SLITRK4: variants seen among roughly 807,000 people sequenced by gnomAD.
The protein encoded by SLITRK4 is SLIT and NTRK-like protein 4.
Under a neutral mutation model 34.7 loss-of-function variants are expected in SLITRK4, and 7 were observed. The observed-to-expected ratio is 0.20, with a 90% confidence interval of 0.11 to 0.38. The LOEUF is 0.38. Among genes scored for constraint, SLITRK4 ranks in the 10% least tolerant of loss-of-function variants. The probability of loss-of-function intolerance (pLI) is 1.00; values close to 1 mark genes in which losing one functional copy is unlikely to be tolerated. For synonymous variants in SLITRK4, 237 were observed against 246.2 expected (o/e 0.96, Z 0.35); for missense variants, 474 against 607.0 (o/e 0.78, Z 2.30).
chrX:143,624,777 G>A lies in SLITRK4; in HGVS notation c.*3818C>T, dbSNP rs782730503. ...GGCAATTAATAAATTCTAATACCTTGATGTTATTAAAAGCAAACAAAAGTC... is the reference window on the plus strand; with the variant it reads ...GGCAATTAATAAATTCTAATACCTTAATGTTATTAAAAGCAAACAAAAGTC... On this transcript the variant is annotated 3_prime_UTR_variant, in exon 2 of 2. Coordinates refer to ENST00000356928, the MANE Select transcript of SLITRK4 (RefSeq NM_001184749.3). The A allele has an allele frequency of 9.0e-6, 1 of 111,122 alleles. No homozygotes were observed. Among genetic ancestry groups the A allele is most frequent in the South Asian group, 3.7e-4 (1 of 2,692 alleles). The allele number at this position is 111,122 out of a possible 1,213,427, so 9.2% of individuals were successfully genotyped here.
In SLITRK4 at chrX:143,625,185, TA is replaced by T. The variant is rs782606263; in HGVS notation, c.*3409del. The T allele has an allele frequency of 9.0e-6, 1 of 111,257 alleles. No homozygotes were observed. 9.2% of individuals were successfully genotyped at this position (111,257 alleles called of 1,213,427 possible). On this transcript the variant is annotated 3_prime_UTR_variant, in exon 2 of 2. Coordinates refer to ENST00000356928, the MANE Select transcript of SLITRK4 (RefSeq NM_001184749.3). Reference sequence around the variant, plus strand: ...TGCATCCTTATGGCTTAAAGAAAAGTAAATGTTTAAAAAAAGCAACAAAAGA... The same window carrying T: ...TGCATCCTTATGGCTTAAAGAAAAGTAATGTTTAAAAAAAGCAACAAAAGA...
At chrX:143,633,959 G>C (rs1931141150) in intron 1 of SLITRK4, among the ~76,000 whole-genome samples, 1 of 112,764 alleles carries the variant, frequency 8.9e-6, no homozygotes, top group Non-Finnish European at 1.9e-5. Context: ...GGGATGTCGC[G>C]GGGGCCTTCA....
At chrX:143,631,858 A>G (rs974059326) in intron 1 of SLITRK4, among the ~76,000 whole-genome samples, 12 of 111,782 alleles carry the variant, frequency 1.1e-4, no homozygotes, top group Admixed American at 9.5e-4. Context: ...AGGGATGGCC[A>G]AATTTTATTT....
intron 1 of SLITRK4, among the ~76,000 whole-genome samples, chrX:143,633,853 G>T (rs945651250): frequency 8.9e-6 from 1 of 112,708 alleles, no homozygotes; most frequent in African/African-American, 3.2e-5. Context: ...ATGTTTTGCC[G>T]CATCCCTGTT....
Position 143,624,896 on chromosome X carries a change from CAG to C in SLITRK4, c.*3697_*3698del, listed in dbSNP as rs1930735374. ...TAACCTAAAATACTGATAATCAAAT[CAG>C]GGTAAAAACAATACAATATTTTTTT... On this transcript the variant is annotated 3_prime_UTR_variant, in exon 2 of 2. Transcript: ENST00000356928. The C allele has an allele frequency of 9.0e-6, 1 of 111,097 alleles. No homozygotes were observed. Among genetic ancestry groups the C allele is most frequent in the African/African-American group, 3.3e-5 (1 of 30,711 alleles). The allele number at this position is 111,097 out of a possible 1,213,427, so 9.2% of individuals were successfully genotyped here.
rs782477055 is a variant in SLITRK4, at chrX:143,630,789, C to A, written c.320G>T (p.Ser107Ile). 18 of 1,212,029 alleles carry A rather than the reference C, an allele frequency of 1.5e-5. No individual in the cohort carries two copies. Among genetic ancestry groups the A allele is most frequent in the Non-Finnish European group, 2.0e-5 (18 of 895,571 alleles). ...GTTCAAGTGCAACTGCTTTAATGCA[C>A]TGAGCCCAAGAAAGGCTCCTCCCTC... is the stretch of plus-strand genomic sequence containing the variant. ...NIEGGAFLGL[S>I]ALKQLHLNNN... Residue 107 changes from serine to isoleucine, a missense_variant, in exon 2 of 2, where the codon AGT becomes ATT. Coordinates refer to ENST00000356928, the MANE Select transcript of SLITRK4 (RefSeq NM_001184749.3).
rs202159792 is a variant in SLITRK4 at position 143,629,649 on chromosome X, C to A, written c.1460G>T (p.Ser487Ile). ...LLYLNNNLLK[S>I]LPVYIFSGAP... is the part of the protein sequence containing the mutation. ...TCCGGAAAAGATGTAAACAGGCAGG[C>A]TCTTTAGGAGATTATTGTTTAAGTA... The change falls in exon 2 of 2, where the codon AGC becomes ATC. Residue 487 changes from serine (S) to isoleucine (I), a missense_variant. Physicochemically the swap from Ser to Ile is moderately radical, Grantham distance 142 (BLOSUM62 -2). Around this residue, in one of 3 missense-constraint regions of SLITRK4, gnomAD observed 345 missense variants for 406.5 expected, o/e 0.85. Transcript: ENST00000356928. 8 of 1,209,658 alleles carry A rather than the reference C, an allele frequency of 6.6e-6. No homozygotes were observed. The highest frequency in any genetic ancestry group is 8.9e-6 in the Non-Finnish European group (8 of 895,270).
In SLITRK4 at chrX:143,629,076, T is replaced by C. The variant is rs1465133436; in HGVS notation, c.2033A>G (p.Lys678Arg). 18 of 1,210,465 alleles carry C rather than the reference T, an allele frequency of 1.5e-5. No homozygotes were observed. Among genetic ancestry groups the C allele is most frequent in the Non-Finnish European group, 1.9e-5 (17 of 895,452 alleles). Residue 678 changes from lysine (K) to arginine (R), a missense_variant, in exon 2 of 2, where the codon AAA becomes AGA. Around this residue, in one of 3 missense-constraint regions of SLITRK4, gnomAD observed 345 missense variants for 406.5 expected, o/e 0.85. Coordinates refer to ENST00000356928, the MANE Select transcript of SLITRK4 (RefSeq NM_001184749.3). ...LRKHDHKTNK[K>R]DGLSTEAFIP... The stretch of plus-strand genomic sequence containing the variant: ...GAAAGCTTCTGTGCTCAGTCCATCT[T>C]TTTTATTGGTTTTGTGGTCATGCTT...
chrX:143,628,511 A>C lies in SLITRK4; in HGVS notation c.*84T>G, dbSNP rs963627063. The C allele has an allele frequency of 2.2e-5, 17 of 764,979 alleles. No homozygotes were observed. Among genetic ancestry groups the C allele is most frequent in the Non-Finnish European group, 3.0e-5 (16 of 530,325 alleles). The allele number at this position is 764,979 out of a possible 1,213,427, so 63.0% of individuals were successfully genotyped here. The stretch of plus-strand genomic sequence containing the variant: ...ACACCTGCCTCCATGCCTATTGATA[A>C]TATAGTATTTGGAAGTTAGAAGTCA... On this transcript the variant is annotated 3_prime_UTR_variant, in exon 2 of 2. Coordinates refer to ENST00000356928, the MANE Select transcript of SLITRK4 (RefSeq NM_001184749.3).
Position 143,626,314 on chromosome X carries a change from C to T in SLITRK4, c.*2281G>A, listed in dbSNP as rs1807472070. On this transcript the variant is annotated 3_prime_UTR_variant, in exon 2 of 2. Coordinates refer to ENST00000356928, the MANE Select transcript of SLITRK4 (RefSeq NM_001184749.3). ...ATGAAAAAAGCTGTTGGGCACACATCTTGTCTTTTCTTTCAAGATCAGAAA... is the reference window on the plus strand; with the variant it reads ...ATGAAAAAAGCTGTTGGGCACACATTTTGTCTTTTCTTTCAAGATCAGAAA... 1 of 111,018 alleles carries T rather than the reference C, an allele frequency of 9.0e-6. No homozygotes were observed. The highest frequency in any genetic ancestry group is 9.6e-5 in the Admixed American group (1 of 10,372). 9.1% of individuals were successfully genotyped at this position (111,018 alleles called of 1,213,427 possible).
chrX:143,634,499 T>C (rs1931162097), intron 1 of SLITRK4: 1 of 103,969 alleles, frequency 9.6e-6, no homozygotes, highest in African/African-American at 3.6e-5. Flanking sequence ...ACCCGAGACC[T>C]GTACAACTTG....
rs150487026 is a variant in SLITRK4, at chrX:143,629,960, G to A, written c.1149C>T (p.His383=). The change falls in exon 2 of 2, where the codon CAC becomes CAT. Residue 383 remains histidine, a synonymous_variant. Transcript: ENST00000356928. The part of the protein sequence containing the change: ...IPKPLNAKKL[H]VNGNSIKDVD... ...CATCCTTGATGCTATTGCCATTGAC[G>A]TGCAGCTTCTTCGCATTTAAAGGTT... The A allele has an allele frequency of 1.1e-5, 13 of 1,210,172 alleles. No individual in the cohort carries two copies. Among genetic ancestry groups the A allele is most frequent in the Middle Eastern group, 2.3e-4 (1 of 4,375 alleles).
chrX:143,628,947 A>T lies in SLITRK4; in HGVS notation c.2162T>A (p.Met721Lys), dbSNP rs781883803. 1 of 1,211,624 alleles carries T rather than the reference A, an allele frequency of 8.3e-7. No homozygotes were observed. ...FSDPPGQKVV[M>K]RNVADKEKDL... is the part of the protein sequence containing the mutation. ...TTTCTCCTTGTCGGCCACATTTCTC[A>T]TAACAACTTTCTGTCCTGGAGGATC... Residue 721 changes from methionine to lysine, a missense_variant, in exon 2 of 2, where the codon ATG becomes AAG. Met to Lys is a moderately conservative substitution (Grantham distance 95). Around this residue, in one of 3 missense-constraint regions of SLITRK4, gnomAD observed 345 missense variants for 406.5 expected, o/e 0.85. Coordinates refer to ENST00000356928, the MANE Select transcript of SLITRK4 (RefSeq NM_001184749.3).
intron 1 of SLITRK4, among the ~76,000 whole-genome samples, chrX:143,633,210 G>A (rs1392929028): frequency 9.1e-6 from 1 of 109,804 alleles, no homozygotes; most frequent in Non-Finnish European, 1.9e-5. Context: ...TGGAGGGGCA[G>A]GCAAGAGAGA....
At chrX:143,632,421 G>C (rs1229741311) in intron 1 of SLITRK4, among the ~76,000 whole-genome samples, 2 of 111,630 alleles carry the variant, frequency 1.8e-5, no homozygotes, top group Non-Finnish European at 3.8e-5. Flanking sequence ...AACAACACAA[G>C]CAGAGTGCAT....
chrX:143,635,501 C>T (rs1556431215), intron 1 of SLITRK4, among the ~76,000 whole-genome samples: 2 of 102,175 alleles, frequency 2.0e-5, no homozygotes, highest in African/African-American at 7.2e-5. Flanking sequence ...CACACACACA[C>T]ACACACACAC....
In SLITRK4 at chrX:143,628,865, T is replaced by C; in HGVS notation, c.2244A>G (p.Glu748=). 1 of 1,211,703 alleles carries C rather than the reference T, an allele frequency of 8.3e-7. No individual in the cohort carries two copies. Among genetic ancestry groups the C allele is most frequent in the Non-Finnish European group, 1.1e-6 (1 of 895,384 alleles). ...KRLSTIDELD[E]LFPSRDSNVF... The stretch of plus-strand genomic sequence containing the variant: ...CATTGGAATCCCTGCTAGGGAATAA[T>C]TCATCCAGCTCATCAATTGTGCTCA... The change falls in exon 2 of 2, where the codon GAA becomes GAG. Residue 748 remains glutamate, a synonymous_variant. Transcript: ENST00000356928.
In SLITRK4 at chrX:143,625,512, C is replaced by G. The variant is rs2124317753; in HGVS notation, c.*3083G>C. On this transcript the variant is annotated 3_prime_UTR_variant, in exon 2 of 2. Transcript: ENST00000356928. The stretch of plus-strand genomic sequence containing the variant: ...ATTCTAACGTAGTCCATACCCATGA[C>G]TATAGTGCCAAGAAGCCCATGATGT... 9.0e-6 allele frequency: 1 copy of G among 111,518 alleles called. No homozygotes were observed. 9.2% of individuals were successfully genotyped at this position (111,518 alleles called of 1,213,427 possible).
Position 143,629,613 on chromosome X carries a change from G to C in SLITRK4, c.1496C>G (p.Ala499Gly). 8.3e-7 allele frequency: 1 copy of C among 1,211,563 alleles called. No homozygotes were observed. The highest frequency in any genetic ancestry group is 1.1e-6 in the Non-Finnish European group (1 of 895,541). ...TTTGTTGTTCCTCAGGTTCAGTCTA[G>C]CTAAGGGTGCTCCGGAAAAGATGTA... is the stretch of plus-strand genomic sequence containing the variant. ...PVYIFSGAPL[A>G]RLNLRNNKFM... is the part of the protein sequence containing the mutation. Residue 499 changes from alanine to glycine, a missense_variant, in exon 2 of 2, where the codon GCT becomes GGT. Coordinates refer to ENST00000356928, the MANE Select transcript of SLITRK4 (RefSeq NM_001184749.3).
Sources: gnomAD v4.1 joint callset for allele counts (sites outside exome capture counted in the v4.1 genomes callset) on GRCh38, gnomAD v4.1.1 for gene constraint, gnomAD v4.1.1 regional missense constraint, MANE v1.5 for transcripts, NCBI Gene and HGNC (gene_info 2026-07-23, HGNC 2026-07-21) for gene names.